BRCA1: variants seen among roughly 807,000 people sequenced by gnomAD.
BRCA1 encodes BRCA1 DNA repair associated.
A neutral mutation model predicts 173.7 loss-of-function variants in BRCA1; 140 were observed. The observed-to-expected ratio is 0.81, with a 90% confidence interval of 0.70 to 0.93. The LOEUF (loss-of-function observed/expected upper bound fraction) is 0.93, where lower values mean the gene tolerates loss of function less well. Ranked by LOEUF, BRCA1 falls within the 40% of genes least tolerant of loss-of-function variation. The probability of loss-of-function intolerance (pLI) is 0.00; values close to 1 mark genes in which losing one functional copy is unlikely to be tolerated. For synonymous variants in BRCA1, 662 were observed against 756.0 expected, an observed-to-expected ratio of 0.88 and a Z score of 2.04; for missense variants, 1,983 against 2,172.5, an observed-to-expected ratio of 0.91 and a Z score of 1.73.
At chr17:43,155,646 C>G (rs1179233846) in intron 1 of BRCA1, among the ~76,000 whole-genome samples, 2 of 152,126 alleles carry the variant, frequency 1.3e-5, no homozygotes, top group Non-Finnish European at 2.9e-5. Flanking sequence ...GATTCTTGTG[C>G]CTCAGCCTTC....
At chr17:43,059,774 G>A (rs2051668638) in intron 18 of BRCA1, among the ~76,000 whole-genome samples, 1 of 152,034 alleles carries the variant, frequency 6.6e-6, no homozygotes, top group Non-Finnish European at 1.5e-5. Context: ...TTACCACAAG[G>A]ATAAAATCTG....
chr17:43,045,355 C>T lies in BRCA1; in HGVS notation c.*323G>A, dbSNP rs2152411935. On this transcript the variant is annotated 3_prime_UTR_variant, in exon 23 of 23. Transcript: ENST00000357654. ...GCTTCCAGCCCTAAGCCAACAACAG[C>T]CTGAATAGAAAGAATAGGGCTGATA... 3 of 585,568 alleles carry T rather than the reference C, an allele frequency of 5.1e-6. No homozygotes were observed. Among genetic ancestry groups the T allele is most frequent in the Non-Finnish European group, 9.6e-6 (3 of 311,098 alleles). 36.3% of individuals were successfully genotyped at this position (585,568 alleles called of 1,614,324 possible). A position where few individuals can be genotyped will look rare whatever the true frequency, so the allele number is the denominator to read the frequency against.
chr17:43,095,642 G>T (rs1372573289), intron 9 of BRCA1, among the ~76,000 whole-genome samples: 3 of 151,814 alleles, frequency 2.0e-5, no homozygotes, highest in Non-Finnish European at 4.4e-5. Flanking sequence ...GTTACAGAAG[G>T]TCTTATTATA....
intron 1 of BRCA1, among the ~76,000 whole-genome samples, chr17:43,145,811 G>A (rs1361789263): frequency 6.6e-6 from 1 of 151,954 alleles, no homozygotes; most frequent in East Asian, 1.9e-4. Context: ...GTAGGATATT[G>A]AATTATGGGA....
intron 18 of BRCA1, among the ~76,000 whole-genome samples, chr17:43,060,755 C>T (rs1398933235): frequency 1.3e-5 from 2 of 151,906 alleles, no homozygotes; most frequent in Admixed American, 1.3e-4. Context: ...GATTTGCCTG[C>T]CTTGGCTTCC....
chr17:43,135,177 G>A (rs768148603), intron 1 of BRCA1, among the ~76,000 whole-genome samples: 1 of 152,218 alleles, frequency 6.6e-6, no homozygotes, highest in East Asian at 1.9e-4. Flanking sequence ...TGCGGACCCC[G>A]TGCACTTCCA....
At chr17:43,083,394 G>T (rs1295753060) in intron 11 of BRCA1, among the ~76,000 whole-genome samples, 3 of 152,084 alleles carry the variant, frequency 2.0e-5, no homozygotes, top group African/African-American at 7.2e-5. Flanking sequence ...GACCTCAAGT[G>T]ATCAGCCCGC....
upstream of BRCA1, among the ~76,000 whole-genome samples, chr17:43,126,134 G>T (rs1567825154): frequency 6.6e-6 from 1 of 152,254 alleles, no homozygotes; most frequent in East Asian, 1.9e-4. Flanking sequence ...CGCAGTGAGC[G>T]CCGAATTTGC....
chr17:43,151,291 ATAT>A (rs1458230988), intron 1 of BRCA1, among the ~76,000 whole-genome samples: 47 of 152,174 alleles, frequency 3.1e-4, no homozygotes, highest in Non-Finnish European at 1.5e-5. Context: ...CATCAAAAGG[ATAT>A]TATATGAAGT....
At chr17:43,055,545 G>A (rs1054268552) in intron 19 of BRCA1, among the ~76,000 whole-genome samples, 1 of 152,168 alleles carries the variant, frequency 6.6e-6, no homozygotes, top group African/African-American at 2.4e-5. Flanking sequence ...AGCACTTTGG[G>A]AGCCTGAGGC....
chr17:43,147,292 CCA>C (rs1311720447), intron 1 of BRCA1, among the ~76,000 whole-genome samples: 3 of 152,226 alleles, frequency 2.0e-5, no homozygotes, highest in Non-Finnish European at 4.4e-5. Flanking sequence ...CAGGTTCACA[CCA>C]TTCTCCTGCC....
chr17:43,165,029 C>A (rs1207215108), intron 1 of BRCA1, among the ~76,000 whole-genome samples: 1 of 152,144 alleles, frequency 6.6e-6, no homozygotes, highest in Non-Finnish European at 1.5e-5. Context: ...TACCATTTTA[C>A]ATTTAACAGT....
chr17:43,056,950 T>G, intron 19 of BRCA1, 102 bp downstream of exon 19: 1 of 1,029,626 alleles, frequency 9.7e-7, no homozygotes, highest in South Asian at 1.3e-5. Context: ...TGTGTATGTA[T>G]GTAATAAGTC....
chr17:43,082,056 G>T (rs2053023816), intron 12 of BRCA1, among the ~76,000 whole-genome samples: 1 of 152,208 alleles, frequency 6.6e-6, no homozygotes, highest in Non-Finnish European at 1.5e-5. Flanking sequence ...ATATGTCTGA[G>T]TACTTTTTCA....
Position 43,150,134 on chromosome 17 carries a change from G to A in BRCA1, c.-20+19992C>T, listed in dbSNP as rs946655054. Among the ~76,000 whole-genome samples, 14 of 152,006 alleles carry A rather than the reference G, an allele frequency of 9.2e-5. No homozygotes were observed. The East Asian group carries it at 1.7e-3, about 19-fold the overall frequency. ...TGTATTTATTTATTTATTTGAGACCGGGTCTTGCCCTGTTGCCCTGGCTAG... is the reference window on the plus strand; with the variant it reads ...TGTATTTATTTATTTATTTGAGACCAGGTCTTGCCCTGTTGCCCTGGCTAG... On this transcript the variant is annotated intron_variant, in intron 1 of 7. Transcript: ENST00000634433.
chr17:43,109,037 T>C (rs2054921979), intron 3 of BRCA1, among the ~76,000 whole-genome samples: 1 of 88,302 alleles, frequency 1.1e-5, no homozygotes, highest in Non-Finnish European at 2.6e-5. Flanking sequence ...ACTATATCTA[T>C]ATCTCTATCT....
upstream of BRCA1, among the ~76,000 whole-genome samples, chr17:43,129,553 G>A (rs116806134): frequency 7.1e-3 from 1,080 of 151,974 alleles, 17 homozygotes; most frequent in African/African-American, 0.025. Flanking sequence ...AGTGCACTGC[G>A]AACTCTGTCT....
At chr17:43,055,854 G>A (rs1463428488) in intron 19 of BRCA1, among the ~76,000 whole-genome samples, 2 of 152,122 alleles carry the variant, frequency 1.3e-5, no homozygotes, top group Non-Finnish European at 2.9e-5. Context: ...AATTGAACAA[G>A]GTTTGAACTT....
intron 11 of BRCA1, among the ~76,000 whole-genome samples, chr17:43,086,148 A>ACACACACAC (rs60834728): frequency 6.6e-6 from 1 of 151,356 alleles, no homozygotes; most frequent in Non-Finnish European, 1.5e-5. Context: ...ACACACACAC[A>ACACACACAC]GAAGTCCCCA....
Sources: gnomAD v4.1 joint callset for allele counts (sites outside exome capture counted in the v4.1 genomes callset) on GRCh38, gnomAD v4.1.1 for gene constraint, MANE v1.5 for transcripts, NCBI Gene and HGNC (gene_info 2026-07-23, HGNC 2026-07-21) for gene names.